Variants in TENM2 observed in about 807,000 individuals in gnomAD.
TENM2 encodes teneurin transmembrane protein 2.
Under a neutral mutation model 245.2 loss-of-function variants are expected in TENM2, and 52 were observed. That is an observed-to-expected ratio of 0.21 (90% CI 0.17 to 0.27). TENM2 has a LOEUF of 0.27. Among genes scored for constraint, TENM2 ranks in the 10% least tolerant of loss-of-function variants. The pLI, the probability that TENM2 is intolerant of heterozygous loss-of-function variation, is 1.00. For missense variants in TENM2, 3,046 were observed against 3,666.8 expected (o/e 0.83, Z 4.37); for synonymous variants, 1,363 against 1,438.9 (o/e 0.95, Z 1.19).
At chr5:167,933,595 C>T (rs767089052) in intron 3 of TENM2, among the ~76,000 whole-genome samples, 3 of 151,778 alleles carry the variant, frequency 2.0e-5, no homozygotes, top group Non-Finnish European at 2.9e-5. Context: ...AAATATCGAG[C>T]GTTTGCAGAC....
chr5:167,122,448 C>T, the TENM2 span, among the ~76,000 whole-genome samples: 9 of 152,090 alleles, frequency 5.9e-5, no homozygotes, highest in African/African-American at 1.9e-4. Flanking sequence ...TCTCTCTGAC[C>T]CCCACCCTCC....
Position 167,553,973 on chromosome 5 carries a change from G to C in TENM2, c.502+178500G>C, listed in dbSNP as rs188311529. On this transcript the variant is annotated intron_variant, in intron 2 of 28. Coordinates refer to ENST00000518659, the Ensembl canonical transcript of TENM2. Reference sequence around the variant, plus strand: ...GGGGGTCTTCTGTCAGCATGGAAGGGTCCTCTTCAGGTCTCACAACATAAT... The same window carrying C: ...GGGGGTCTTCTGTCAGCATGGAAGGCTCCTCTTCAGGTCTCACAACATAAT... Among the ~76,000 whole-genome samples the C allele has an allele frequency of 3.1e-3, 465 of 152,314 alleles. 2 individuals are homozygous for C. Among genetic ancestry groups the C allele is most frequent in the Non-Finnish European group, 3.7e-3 (250 of 68,024 alleles).
chr5:167,649,303 A>G (rs1582648870), intron 2 of TENM2, among the ~76,000 whole-genome samples: 1 of 152,116 alleles, frequency 6.6e-6, no homozygotes, highest in African/African-American at 2.4e-5. Flanking sequence ...ACATCCTCCA[A>G]GTTGACCTTA....
chr5:167,175,388 A>T, the TENM2 span, among the ~76,000 whole-genome samples: 1 of 152,252 alleles, frequency 6.6e-6, no homozygotes, highest in Non-Finnish European at 1.5e-5. Context: ...TGATGTAATA[A>T]ATGTAGCAAG....
intron 7 of TENM2, among the ~76,000 whole-genome samples, chr5:168,063,324 T>C (rs1790209201): frequency 1.3e-5 from 2 of 152,216 alleles, no homozygotes; most frequent in Non-Finnish European, 2.9e-5. Flanking sequence ...ATGGATTTCA[T>C]TATTTTTTCT....
At chr5:167,897,854 G>C (rs1402280088) in intron 3 of TENM2, among the ~76,000 whole-genome samples, 1 of 151,180 alleles carries the variant, frequency 6.6e-6, no homozygotes, top group Non-Finnish European at 1.5e-5. Flanking sequence ...AAGTTTATGA[G>C]CCTGGGAATT....
chr5:167,442,531 A>G (rs1445617106), intron 2 of TENM2, among the ~76,000 whole-genome samples: 1 of 152,134 alleles, frequency 6.6e-6, no homozygotes, highest in Non-Finnish European at 1.5e-5. Flanking sequence ...TGATCTTACC[A>G]ACACTTGATA....
At chr5:167,473,017 A>G (rs1767135077) in intron 2 of TENM2, among the ~76,000 whole-genome samples, 1 of 151,916 alleles carries the variant, frequency 6.6e-6, no homozygotes, top group Admixed American at 6.6e-5. Flanking sequence ...AAACAAATAC[A>G]CTCAGTTAAA....
chr5:167,254,667 G>T, the TENM2 span, among the ~76,000 whole-genome samples: 9 of 152,130 alleles, frequency 5.9e-5, no homozygotes, highest in Admixed American at 4.6e-4. Context: ...TTATTACGGA[G>T]AGTGATGACT....
intron 2 of TENM2, among the ~76,000 whole-genome samples, chr5:167,577,333 T>C (rs1774772239): frequency 2.6e-5 from 4 of 152,232 alleles, no homozygotes; most frequent in African/African-American, 9.6e-5. Context: ...TTCGGTTTTC[T>C]TACTTTAAGC....
chr5:167,460,357 A>G (rs17068505), intron 2 of TENM2, among the ~76,000 whole-genome samples: 5,079 of 152,304 alleles, frequency 0.033, 308 homozygotes, highest in East Asian at 0.2. Context: ...TAGAATTCCA[A>G]TATAAGCCAT....
At chr5:167,848,939 A>G (rs993768564) in intron 2 of TENM2, among the ~76,000 whole-genome samples, 3 of 152,022 alleles carry the variant, frequency 2.0e-5, no homozygotes, top group Admixed American at 1.3e-4. Context: ...TTTTGGCCAC[A>G]TTGTATATTG....
At chr5:167,363,102 G>A (rs1478175980) in intron 1 of TENM2, among the ~76,000 whole-genome samples, 1 of 152,134 alleles carries the variant, frequency 6.6e-6, no homozygotes, top group Non-Finnish European at 1.5e-5. Flanking sequence ...CTCCATCCAG[G>A]CAGATTTAAA....
At chr5:167,523,259 G>C (rs1770883971) in intron 2 of TENM2, among the ~76,000 whole-genome samples, 1 of 152,144 alleles carries the variant, frequency 6.6e-6, no homozygotes, top group Admixed American at 6.5e-5. Flanking sequence ...TTAGGAAATA[G>C]ACATCTGTTT....
intron 14 of TENM2, among the ~76,000 whole-genome samples, chr5:168,192,361 C>T (rs1761036542): frequency 6.6e-6 from 1 of 152,172 alleles, no homozygotes; most frequent in Non-Finnish European, 1.5e-5. Context: ...TTACCCACCA[C>T]CATCATTCAC....
chr5:167,142,689 T>C, the TENM2 span, among the ~76,000 whole-genome samples: 1 of 152,132 alleles, frequency 6.6e-6, no homozygotes, highest in East Asian at 1.9e-4. Flanking sequence ...TAGCTGGGAT[T>C]ACAGGCACGC....
intron 9 of TENM2, among the ~76,000 whole-genome samples, chr5:168,109,974 C>T (rs1794544860): frequency 6.6e-6 from 1 of 151,920 alleles, no homozygotes. Context: ...ACAGAAATCA[C>T]TTCGCGGGGC....
chr5:167,736,097 T>G (rs2150573694), intron 2 of TENM2, among the ~76,000 whole-genome samples: 1 of 152,216 alleles, frequency 6.6e-6, no homozygotes, highest in East Asian at 1.9e-4. Context: ...TGAGGAGGCC[T>G]CAGGAAACTT....
Position 168,158,809 on chromosome 5 carries a change from G to A in TENM2, c.2423-3802G>A, listed in dbSNP as rs1198287188. On this transcript the variant is annotated intron_variant, in intron 12 of 28. Transcript: ENST00000518659. Reference sequence around the variant, plus strand: ...ACTCCATCTCTACTAAAAAAAAAATGTGTGTGTGTGTGTGTGTGTGTATAT... The same window carrying A: ...ACTCCATCTCTACTAAAAAAAAAATATGTGTGTGTGTGTGTGTGTGTATAT... 5.0e-4 allele frequency among the ~76,000 whole-genome samples: 22 copies of A among 44,076 alleles called. No homozygotes were observed. In the East Asian group the frequency reaches 0.014, roughly 28 times the overall value. The allele number at this position is 44,076 out of a possible 152,430, so 28.9% of individuals were successfully genotyped here. A position where few individuals can be genotyped will look rare whatever the true frequency, so the allele number is the denominator to read the frequency against.
Sources: gnomAD v4.1 joint callset for allele counts (sites outside exome capture counted in the v4.1 genomes callset) on GRCh38, gnomAD v4.1.1 for gene constraint, MANE v1.5 for transcripts, NCBI Gene and HGNC (gene_info 2026-07-23, HGNC 2026-07-21) for gene names.